The following ESR2 variants were observed in gnomAD, a reference collection of about 807,000 sequenced individuals.
ESR2 encodes estrogen receptor beta.
In ESR2, 36 loss-of-function variants were observed where a neutral mutation model predicts 49.6. That is an observed-to-expected ratio of 0.73 (90% CI 0.56 to 0.96). The LOEUF is 0.96. Among genes scored for constraint, ESR2 ranks in the 40% least tolerant of loss-of-function variants. The probability of loss-of-function intolerance (pLI) is 0.00; values close to 1 mark genes in which losing one functional copy is unlikely to be tolerated. For missense variants in ESR2, 714 were observed against 693.0 expected, an observed-to-expected ratio of 1.03 and a Z score of -0.34; for synonymous variants, 320 against 266.1, an observed-to-expected ratio of 1.20 and a Z score of -1.97.
intron 3 of ESR2, among the ~76,000 whole-genome samples, chr14:64,277,851 CCTGT>C (rs1489156805): frequency 6.6e-6 from 1 of 152,036 alleles, no homozygotes; most frequent in Non-Finnish European, 1.5e-5. Flanking sequence ...ATTTGACATT[CCTGT>C]CTGATGCAGC....
intron 6 of ESR2, among the ~76,000 whole-genome samples, chr14:64,250,330 G>A (rs1040196705): frequency 6.6e-6 from 1 of 152,164 alleles, no homozygotes; most frequent in Admixed American, 6.5e-5. Context: ...ACTTGCCAAG[G>A]ATTATCTTCA....
At chr14:64,273,884 A>G (rs2076500314) in intron 3 of ESR2, among the ~76,000 whole-genome samples, 1 of 150,398 alleles carries the variant, frequency 6.6e-6, no homozygotes, top group African/African-American at 2.4e-5. Context: ...TCTTCTTTAA[A>G]TGTTTGGTAA....
intron 8 of ESR2, 40 bp from the exon 9 acceptor site, chr14:64,233,363 G>A (rs771253362): frequency 1.9e-6 from 3 of 1,582,896 alleles, no homozygotes; most frequent in Non-Finnish European, 8.6e-7. Context: ...CTCCTCCGAG[G>A]CAGCCACAGG....
upstream of ESR2, among the ~76,000 whole-genome samples, chr14:64,294,575 C>T (rs1021742011): frequency 3.3e-5 from 5 of 152,176 alleles, no homozygotes; most frequent in African/African-American, 1.2e-4. Context: ...CTCCCCGCAG[C>T]CCCAGTCTCA....
At chr14:64,289,183 A>C (rs950242080) in intron 1 of ESR2, among the ~76,000 whole-genome samples, 1 of 152,004 alleles carries the variant, frequency 6.6e-6, no homozygotes, top group African/African-American at 2.4e-5. Context: ...GTACCTTTTC[A>C]CGGTGCTCTG....
chr14:64,335,141 A>G (rs753175190), intron 1 of ESR2, among the ~76,000 whole-genome samples: 17 of 152,220 alleles, frequency 1.1e-4, no homozygotes, highest in Non-Finnish European at 2.2e-4. Context: ...AATTAATGAA[A>G]TAATTTTAGA....
intron 2 of ESR2, among the ~76,000 whole-genome samples, chr14:64,281,654 C>T (rs2076670770): frequency 6.6e-6 from 1 of 152,160 alleles, no homozygotes; most frequent in African/African-American, 2.4e-5. Flanking sequence ...TCTCCTTTCT[C>T]ATTATACTAT....
At chr14:64,288,582 T>TCG (rs900601810) in intron 1 of ESR2, among the ~76,000 whole-genome samples, 9 of 151,964 alleles carry the variant, frequency 5.9e-5, no homozygotes, top group African/African-American at 2.2e-4. Flanking sequence ...TCTCTTGACC[T>TCG]CGTGACCCGC....
At position 64,305,452 on chromosome 14, in the gene ESR2, C is replaced by T. The variant is rs575485510; in HGVS notation, c.-90-22377G>A. Among the ~76,000 whole-genome samples, 71 of 151,798 alleles carry T rather than the reference C, an allele frequency of 4.7e-4. 1 individual carries two copies. The highest frequency in any genetic ancestry group is 1.5e-3 in the African/African-American group (62 of 41,418). On this transcript the variant is annotated intron_variant, in intron 1 of 8. Transcript: ENST00000358599. ...TTGGGAGGCCAAGGCGGGCGGATCA[C>T]GAGGTCAGGAGATCGAGACCATCCT...
In ESR2 at chr14:64,229,765, TATA is replaced by T. The variant is rs1364446693; in HGVS notation, c.*3369_*3371del. On this transcript the variant is annotated 3_prime_UTR_variant, in exon 9 of 9. Coordinates refer to ENST00000341099, the MANE Select transcript of ESR2 (RefSeq NM_001437.3). ...CAGAAAATAAGGAAATAGCAGTTATTATAATAAGGATTAAATGTGAATGTCTGA... is the reference window on the plus strand; with the variant it reads ...CAGAAAATAAGGAAATAGCAGTTATTATAAGGATTAAATGTGAATGTCTGA... Among the ~76,000 whole-genome samples, 1 of 152,194 alleles carries T rather than the reference TATA, an allele frequency of 6.6e-6. No homozygotes were observed. The highest frequency in any genetic ancestry group is 1.5e-5 in the Non-Finnish European group (1 of 68,040).
intron 3 of ESR2, among the ~76,000 whole-genome samples, chr14:64,276,441 GT>G (rs1014939070): frequency 1.2e-4 from 18 of 152,146 alleles, no homozygotes; most frequent in African/African-American, 4.1e-4. Context: ...ATGTAGCAAG[GT>G]TTTTTTCTTT....
intron 1 of ESR2, among the ~76,000 whole-genome samples, chr14:64,333,389 A>G (rs1320061660): frequency 6.6e-6 from 1 of 152,160 alleles, no homozygotes; most frequent in East Asian, 1.9e-4. Context: ...GATCCTTGAC[A>G]TCGTATTTCA....
chr14:64,311,650 A>G lies in ESR2; in HGVS notation c.-91+26248T>C, dbSNP rs563356430. Among the ~76,000 whole-genome samples the G allele has an allele frequency of 2.5e-4, 37 of 150,928 alleles. No individual in the cohort carries two copies. In the East Asian group the frequency reaches 6.6e-3, roughly 27 times the overall value. ...AGAGGGAGACTCCATCTCAGAAAAA[A>G]AAAAAAAAAAAAAATTAGCCAGGCA... On this transcript the variant is annotated intron_variant, in intron 1 of 8. Coordinates refer to the ESR2 transcript ENST00000358599.
chr14:64,294,670 G>A (rs1029091033), upstream of ESR2, among the ~76,000 whole-genome samples: 1 of 152,188 alleles, frequency 6.6e-6, no homozygotes, highest in African/African-American at 2.4e-5. Context: ...AGCCAGTCTG[G>A]GGACCACACT....
chr14:64,269,179 T>C (rs980283150), intron 3 of ESR2, among the ~76,000 whole-genome samples: 1 of 152,230 alleles, frequency 6.6e-6, no homozygotes, highest in Admixed American at 6.5e-5. Flanking sequence ...TATAAAAATA[T>C]ATCCTTTGGA....
At position 64,260,696 on chromosome 14, in the gene ESR2, G is replaced by A. The variant is rs368036749; in HGVS notation, c.705C>T (p.Ala235=). 14 of 1,561,898 alleles carry A rather than the reference G, an allele frequency of 9.0e-6. No homozygotes were observed. The highest frequency in any genetic ancestry group is 2.4e-5 in the South Asian group (2 of 84,862). The change falls in exon 5 of 9, where the codon GCC becomes GCT. Residue 235 remains alanine, a synonymous_variant. Transcript: ENST00000341099. The stretch of plus-strand genomic sequence containing the variant: ...TGCCGGCACAGTGCAGCTGCTCGTC[G>A]GCACTTCTCTGTCTCCGCACAAGGC... ...GYRLVRRQRS[A]DEQLHCAGKA...
At chr14:64,288,023 ATTTTC>A (rs2076809238) in intron 1 of ESR2, among the ~76,000 whole-genome samples, 1 of 152,122 alleles carries the variant, frequency 6.6e-6, no homozygotes, top group Non-Finnish European at 1.5e-5. Flanking sequence ...TTGCATGTCA[ATTTTC>A]TTTAGTCACC....
At chr14:64,233,388 C>T in intron 8 of ESR2, 65 bp from the exon 9 acceptor site, 1 of 1,514,700 alleles carries the variant, frequency 6.6e-7, no homozygotes, top group Non-Finnish European at 9.1e-7. Context: ...CCGAAGCCTT[C>T]CCCGGCTCTC....
chr14:64,246,126 C>T (rs546299232), intron 7 of ESR2, among the ~76,000 whole-genome samples: 12 of 152,148 alleles, frequency 7.9e-5, no homozygotes, highest in East Asian at 1.9e-4. Flanking sequence ...GCAGATCACT[C>T]GAAGCCAGGA....
Sources: gnomAD v4.1 joint callset for allele counts (sites outside exome capture counted in the v4.1 genomes callset) on GRCh38, gnomAD v4.1.1 for gene constraint, MANE v1.5 for transcripts, NCBI Gene and HGNC (gene_info 2026-07-23, HGNC 2026-07-21) for gene names.